Variants in PRKCE observed in about 807,000 individuals in gnomAD.
The protein encoded by PRKCE is protein kinase C epsilon type.
PRKCE carries 16 observed loss-of-function variants against 85.4 expected under a neutral mutation model. The observed-to-expected ratio is 0.19, with a 90% CI of 0.13 to 0.28. The LOEUF (loss-of-function observed/expected upper bound fraction) is 0.28. PRKCE is among the 10% of genes least tolerant of loss of function. The pLI, the probability that PRKCE is intolerant of heterozygous loss-of-function variation, is 1.00. For missense variants in PRKCE, 573 were observed against 975.2 expected, an observed-to-expected ratio of 0.59 and a Z score of 5.49; for synonymous variants, 388 against 371.5, an observed-to-expected ratio of 1.04 and a Z score of -0.51.
chr2:45,759,311 A>T (rs144948877), intron 1 of PRKCE, among the ~76,000 whole-genome samples: 2 of 152,350 alleles, frequency 1.3e-5, no homozygotes, highest in Non-Finnish European at 2.9e-5. Flanking sequence ...GGTTCTGGGC[A>T]TAAGGAGCAC....
chr2:45,945,451 C>A lies in PRKCE; in HGVS notation c.413-30978C>A, dbSNP rs534810948. ...CTCTTGTTATCAGGACAGCCCCAAG[C>A]CATTCATGAGGGATCCGCCCTGTGA... On this transcript the variant is annotated intron_variant, in intron 2 of 14. Coordinates refer to ENST00000306156, the MANE Select transcript of PRKCE (RefSeq NM_005400.3). Among the ~76,000 whole-genome samples, 3 of 152,064 alleles carry A rather than the reference C, an allele frequency of 2.0e-5. No homozygotes were observed. The South Asian group carries it at 6.2e-4, about 32-fold the overall frequency.
intron 13 of PRKCE, among the ~76,000 whole-genome samples, chr2:46,152,256 A>G (rs1676711860): frequency 6.6e-6 from 1 of 150,782 alleles, no homozygotes; most frequent in South Asian, 2.1e-4. Flanking sequence ...ATCTTGGCTC[A>G]CTGCAATCTC....
intron 1 of PRKCE, among the ~76,000 whole-genome samples, chr2:45,671,789 A>G (rs1370287367): frequency 6.6e-6 from 1 of 152,142 alleles, no homozygotes; most frequent in East Asian, 1.9e-4. Context: ...CCAGTAGAGG[A>G]CAGGTATGGT....
intron 2 of PRKCE, among the ~76,000 whole-genome samples, chr2:45,973,218 A>G (rs2104509397): frequency 6.6e-6 from 1 of 152,244 alleles, no homozygotes; most frequent in Admixed American, 6.5e-5. Context: ...GGACTGAGGG[A>G]CCTAGTAGCT....
chr2:45,727,991 A>T (rs887987748), intron 1 of PRKCE, among the ~76,000 whole-genome samples: 1 of 152,196 alleles, frequency 6.6e-6, no homozygotes, highest in Non-Finnish European at 1.5e-5. Context: ...GGAAGCCAAG[A>T]TGGAAAATAA....
At chr2:45,977,776 A>C (rs1346582117) in intron 3 of PRKCE, among the ~76,000 whole-genome samples, 1 of 152,194 alleles carries the variant, frequency 6.6e-6, no homozygotes, top group African/African-American at 2.4e-5. Context: ...GAAGTGTCAG[A>C]AGTATGATTC....
intron 10 of PRKCE, among the ~76,000 whole-genome samples, chr2:46,018,824 C>T (rs1024990634): frequency 6.6e-6 from 1 of 152,184 alleles, no homozygotes; most frequent in Non-Finnish European, 1.5e-5. Context: ...TATTCTTCAG[C>T]CAAATGATTT....
At chr2:45,664,388 T>C (rs747349976) in intron 1 of PRKCE, among the ~76,000 whole-genome samples, 1 of 152,256 alleles carries the variant, frequency 6.6e-6, no homozygotes, top group Non-Finnish European at 1.5e-5. Context: ...TATAGCAAGT[T>C]TGCGATCAAT....
intron 10 of PRKCE, among the ~76,000 whole-genome samples, chr2:46,039,876 G>C (rs1051108220): frequency 1.3e-5 from 2 of 152,210 alleles, no homozygotes; most frequent in Admixed American, 1.3e-4. Flanking sequence ...TCTGCCCTCA[G>C]TGGGGTTATT....
At chr2:46,098,746 T>C (rs1670937431) in intron 11 of PRKCE, among the ~76,000 whole-genome samples, 1 of 152,236 alleles carries the variant, frequency 6.6e-6, no homozygotes, top group Non-Finnish European at 1.5e-5. Context: ...CATATGATTT[T>C]TGTTTCTTCA....
chr2:46,023,027 G>A (rs1706801835), intron 10 of PRKCE, among the ~76,000 whole-genome samples: 1 of 135,514 alleles, frequency 7.4e-6, no homozygotes, highest in East Asian at 2.2e-4. Flanking sequence ...AGCTTGCAGT[G>A]AGCCGAGATT....
At chr2:45,720,495 T>G (rs1680523678) in intron 1 of PRKCE, among the ~76,000 whole-genome samples, 1 of 152,100 alleles carries the variant, frequency 6.6e-6, no homozygotes, top group Admixed American at 6.6e-5. Flanking sequence ...TGGAAATCTG[T>G]GACATTTGGG....
At chr2:46,024,291 TC>T (rs950417611) in intron 10 of PRKCE, among the ~76,000 whole-genome samples, 1 of 151,596 alleles carries the variant, frequency 6.6e-6, no homozygotes, top group African/African-American at 2.4e-5. Context: ...ACCCTCTGCT[TC>T]CTGTTATGAG....
chr2:45,721,122 AC>A (rs1279861852), intron 1 of PRKCE, among the ~76,000 whole-genome samples: 1 of 152,036 alleles, frequency 6.6e-6, no homozygotes, highest in Non-Finnish European at 1.5e-5. Flanking sequence ...ACAAAACAAA[AC>A]AAAAAATCCT....
chr2:46,147,029 C>CT (rs1267590023), intron 12 of PRKCE, among the ~76,000 whole-genome samples: 1 of 152,156 alleles, frequency 6.6e-6, no homozygotes, highest in African/African-American at 2.4e-5. Flanking sequence ...GAGTGAGGGA[C>CT]TGATGGTCAG....
rs187933994 is a variant in PRKCE, at chr2:45,786,771, A to T, written c.349-56229A>T. Among the ~76,000 whole-genome samples, 64 of 152,306 alleles carry T rather than the reference A, an allele frequency of 4.2e-4. No individual in the cohort carries two copies. The highest frequency in any genetic ancestry group is 8.1e-4 in the Non-Finnish European group (55 of 68,020). The stretch of plus-strand genomic sequence containing the variant: ...CAGCCTCTTGGCCACCTAATCCTCC[A>T]ACAGTTCAGTGAGGTAACCACTACC... On this transcript the variant is annotated intron_variant, in intron 1 of 14. Transcript: ENST00000306156. This position sits in a 1 kb window ranked among gnomAD's most constrained non-coding sequence, Gnocchi z 5.3.
intron 2 of PRKCE, among the ~76,000 whole-genome samples, chr2:45,868,525 T>A (rs1335527687): frequency 1.3e-5 from 2 of 150,518 alleles, no homozygotes; most frequent in East Asian, 4.0e-4. Context: ...AGTTTCCCCA[T>A]GTTGGCCAGG....
intron 2 of PRKCE, among the ~76,000 whole-genome samples, chr2:45,893,605 G>A (rs12468291): frequency 8.6e-5 from 13 of 151,260 alleles, no homozygotes; most frequent in African/African-American, 2.7e-4. Flanking sequence ...CAGGCAATCC[G>A]CCCGCCTCAG....
chr2:45,935,336 G>A (rs1460230026), intron 2 of PRKCE, among the ~76,000 whole-genome samples: 1 of 151,988 alleles, frequency 6.6e-6, no homozygotes, highest in Non-Finnish European at 1.5e-5. Context: ...AAGATAAGTG[G>A]GGCAGAAGAA....
Sources: gnomAD v4.1 joint callset for allele counts (sites outside exome capture counted in the v4.1 genomes callset) on GRCh38, gnomAD v4.1.1 for gene constraint, Gnocchi (gnomAD v3.1) non-coding constraint, MANE v1.5 for transcripts, NCBI Gene and HGNC (gene_info 2026-07-23, HGNC 2026-07-21) for gene names.